Variants in APCDD1L observed in about 807,000 individuals in gnomAD.
APCDD1L encodes the protein protein APCDD1-like.
A neutral mutation model predicts 24.2 loss-of-function variants in APCDD1L; 21 were observed. That is an observed-to-expected ratio of 0.87 (90% CI 0.61 to 1.25). The LOEUF is 1.25. Among genes scored for constraint, APCDD1L ranks in the 50% most tolerant of loss-of-function variants. APCDD1L has a pLI of 0.00. For synonymous variants in APCDD1L, 321 were observed against 323.6 expected (o/e 0.99, Z 0.09); for missense variants, 704 against 711.7 (o/e 0.99, Z 0.12).
intron 1 of APCDD1L, among the ~76,000 whole-genome samples, chr20:58,495,262 C>T (rs1034075616): frequency 1.3e-5 from 2 of 152,146 alleles, no homozygotes; most frequent in African/African-American, 2.4e-5. Flanking sequence ...ATACACGGCC[C>T]CTTGTTCAAA....
intron 1 of APCDD1L, among the ~76,000 whole-genome samples, chr20:58,493,567 A>G (rs1389632840): frequency 6.6e-6 from 1 of 152,256 alleles, no homozygotes; most frequent in African/African-American, 2.4e-5. Flanking sequence ...CTCACACCTT[A>G]GAAACATAAT....
At position 58,467,165 on chromosome 20, in the gene APCDD1L, G is replaced by C. The variant is rs1385140552; in HGVS notation, c.682C>G (p.Pro228Ala). 1 of 1,607,700 alleles carries C rather than the reference G, an allele frequency of 6.2e-7. No homozygotes were observed. Residue 228 changes from proline (P) to alanine (A), a missense_variant, in exon 3 of 4, where the codon CCG (proline) becomes GCG (alanine). Physicochemically the swap from Pro to Ala is conservative, Grantham distance 27 (BLOSUM62 -1). Coordinates refer to ENST00000371149, the MANE Select transcript of APCDD1L (RefSeq NM_153360.3). This position sits in a 1 kb window ranked among gnomAD's most constrained non-coding sequence, Gnocchi z 5.9. ...GGCCGGTAGTGCCGCCTCTCCGCCGGGTCGGTGTGGATGTCCCCCAGGTAC... is the reference window on the plus strand; with the variant it reads ...GGCCGGTAGTGCCGCCTCTCCGCCGCGTCGGTGTGGATGTCCCCCAGGTAC... ...ELYLGDIHTD[P>A]AERRHYRPTG...
At chr20:58,476,915 A>T (rs1989921423) in intron 1 of APCDD1L, among the ~76,000 whole-genome samples, 6 of 149,662 alleles carry the variant, frequency 4.0e-5, no homozygotes, top group Admixed American at 3.3e-4. Context: ...CTCGGCATAA[A>T]TGGCATTTCC....
chr20:58,485,169 A>C (rs1990099112), intron 1 of APCDD1L, among the ~76,000 whole-genome samples: 1 of 123,210 alleles, frequency 8.1e-6, no homozygotes, highest in Non-Finnish European at 1.7e-5. Flanking sequence ...CACACACACA[A>C]TTATCAAAAC....
rs143815037 is a variant in APCDD1L, at chr20:58,464,928, C to T, written c.741+2178G>A. ...TTTAATGTAATGTCTGTACATCTGG[C>T]ACCGTTCATCACTGCATACATTTCT... On this transcript the variant is annotated intron_variant, in intron 3 of 3. Transcript: ENST00000371149. 2.0e-3 allele frequency among the ~76,000 whole-genome samples: 299 copies of T among 151,764 alleles called. 1 individual carries two copies. The highest frequency in any genetic ancestry group is 3.3e-3 in the Non-Finnish European group (223 of 67,968).
chr20:58,498,828 C>T (rs759826712), intron 1 of APCDD1L, among the ~76,000 whole-genome samples: 7 of 152,214 alleles, frequency 4.6e-5, no homozygotes, highest in East Asian at 3.9e-4. Flanking sequence ...GCCCTCATGG[C>T]GGGCATCATC....
In APCDD1L at chr20:58,460,665, C is replaced by G. The variant is rs537801700; in HGVS notation, c.*125G>C. 36 of 1,228,782 alleles carry G rather than the reference C, an allele frequency of 2.9e-5. No individual in the cohort carries two copies. The East Asian group carries it at 8.7e-4, about 30-fold the overall frequency. 76.1% of individuals were successfully genotyped at this position (1,228,782 alleles called of 1,614,324 possible). A position where few individuals can be genotyped will look rare whatever the true frequency, so the allele number is the denominator to read the frequency against. ...ATGGGACACAGGCAGAGTTTGGAAGCAGTGGGGCTGTGCATCCATCCATGA... is the reference window on the plus strand; with the variant it reads ...ATGGGACACAGGCAGAGTTTGGAAGGAGTGGGGCTGTGCATCCATCCATGA... On this transcript the variant is annotated 3_prime_UTR_variant, in exon 4 of 4. Transcript: ENST00000371149. This position sits in a 1 kb window ranked among gnomAD's most constrained non-coding sequence, Gnocchi z 4.2.
chr20:58,485,730 CA>C (rs1357668280), intron 1 of APCDD1L, among the ~76,000 whole-genome samples: 1 of 152,206 alleles, frequency 6.6e-6, no homozygotes, highest in Non-Finnish European at 1.5e-5. Flanking sequence ...TCTGCTTCTG[CA>C]ATACAGCTTA....
intron 1 of APCDD1L, among the ~76,000 whole-genome samples, chr20:58,475,095 T>C (rs536788095): frequency 7.9e-5 from 12 of 152,334 alleles, no homozygotes; most frequent in African/African-American, 2.9e-4. Flanking sequence ...CCACAATTTA[T>C]GTTTTCTTCA....
Position 58,467,410 on chromosome 20 carries a change from G to T in APCDD1L, c.437C>A (p.Thr146Asn). The change falls in exon 3 of 4, where the codon ACC (threonine) becomes AAC (asparagine). Residue 146 changes from threonine (T) to asparagine (N), a missense_variant. By Grantham distance (65) the Thr-to-Asn change is moderately conservative. Coordinates refer to ENST00000371149, the MANE Select transcript of APCDD1L (RefSeq NM_153360.3). The surrounding 1 kb of genome is among the most constrained non-coding windows in gnomAD (Gnocchi z 5.9). ...FHSRRALVDV[T>N]GRLNQTRAGR... Reference sequence around the variant, plus strand: ...GGCGCGGGTCTGGTTGAGGCGCCCGGTGACGTCGACCAGGGCCCGGCGGCT... The same window carrying T: ...GGCGCGGGTCTGGTTGAGGCGCCCGTTGACGTCGACCAGGGCCCGGCGGCT... 16 of 1,545,858 alleles carry T rather than the reference G, an allele frequency of 1.0e-5. No homozygotes were observed. The highest frequency in any genetic ancestry group is 1.4e-5 in the Non-Finnish European group (16 of 1,148,436).
At chr20:58,470,930 C>T (rs1989800775) in intron 1 of APCDD1L, among the ~76,000 whole-genome samples, 183 bp from the exon 2 acceptor site, 1 of 152,154 alleles carries the variant, frequency 6.6e-6, no homozygotes, top group South Asian at 2.1e-4. Context: ...TATTGAGGAT[C>T]CTAGAATCAG....
chr20:58,482,973 G>A (rs73616275), intron 1 of APCDD1L, among the ~76,000 whole-genome samples: 4,076 of 152,238 alleles, frequency 0.027, 337 homozygotes, highest in East Asian at 0.26. Flanking sequence ...AGGGCTCAGG[G>A]TCTGACATTC....
intron 1 of APCDD1L, among the ~76,000 whole-genome samples, chr20:58,501,764 C>T (rs1057327703): frequency 6.6e-6 from 1 of 152,222 alleles, no homozygotes; most frequent in Non-Finnish European, 1.5e-5. Flanking sequence ...TGCATTTCCA[C>T]TCAGCAACCA....
intron 2 of APCDD1L, among the ~76,000 whole-genome samples, chr20:58,469,977 A>C (rs1260327571): frequency 6.6e-6 from 1 of 152,218 alleles, no homozygotes; most frequent in Non-Finnish European, 1.5e-5. Context: ...GAGAGAATGC[A>C]AAGTCCATTG....
In APCDD1L at chr20:58,508,973, C is replaced by A. The variant is rs7267726; in HGVS notation, c.49+5686G>T. 5.6e-4 allele frequency among the ~76,000 whole-genome samples: 81 copies of A among 145,108 alleles called. 1 individual carries two copies. In the East Asian group the frequency reaches 0.013, roughly 24 times the overall value. ...GTGTGCATGTGTGTCTGTGTGCGCA[C>A]GTGTGTGTGCATGTGCATGCGTGTG... On this transcript the variant is annotated intron_variant, in intron 1 of 3. Transcript: ENST00000371149. The surrounding 1 kb of genome is among the most constrained non-coding windows in gnomAD (Gnocchi z 4.0).
chr20:58,511,951 T>C (rs1320974673), intron 1 of APCDD1L, among the ~76,000 whole-genome samples: 2 of 152,230 alleles, frequency 1.3e-5, no homozygotes, highest in African/African-American at 2.4e-5. Context: ...GTTTCTCATT[T>C]TCCCCCTCCA....
chr20:58,494,438 T>C lies in APCDD1L; in HGVS notation c.49+20221A>G, dbSNP rs1033240104. 6.6e-6 allele frequency among the ~76,000 whole-genome samples: 1 copy of C among 152,060 alleles called. No individual in the cohort carries two copies. The highest frequency in any genetic ancestry group is 2.4e-5 in the African/African-American group (1 of 41,366). ...GCCTCAAACTCCCCGGCTCAAGCCATCCTCTGGCCTCAGCCTCCTGAGTAG... is the reference window on the plus strand; with the variant it reads ...GCCTCAAACTCCCCGGCTCAAGCCACCCTCTGGCCTCAGCCTCCTGAGTAG... On this transcript the variant is annotated intron_variant, in intron 1 of 3. Transcript: ENST00000371149. The surrounding 1 kb of genome is among the most constrained non-coding windows in gnomAD (Gnocchi z 4.8).
chr20:58,488,383 C>CAT (rs1990164978), intron 1 of APCDD1L, among the ~76,000 whole-genome samples: 1 of 152,110 alleles, frequency 6.6e-6, no homozygotes, highest in Non-Finnish European at 1.5e-5. Context: ...CACACACATA[C>CAT]ATATATATAT....
chr20:58,508,943 T>C lies in APCDD1L; in HGVS notation c.49+5716A>G, dbSNP rs180808419. ...GTGTGCATGAGTGTGCGTGAGTGTG[T>C]GTGAGTGTGCATGTGTGTCTGTGTG... is the stretch of plus-strand genomic sequence containing the variant. On this transcript the variant is annotated intron_variant, in intron 1 of 3. Coordinates refer to ENST00000371149, the MANE Select transcript of APCDD1L (RefSeq NM_153360.3). This position sits in a 1 kb window ranked among gnomAD's most constrained non-coding sequence, Gnocchi z 4.0. Among the ~76,000 whole-genome samples, 1,321 of 152,052 alleles carry C rather than the reference T, an allele frequency of 8.7e-3. 16 individuals are homozygous for C. The highest frequency in any genetic ancestry group is 0.024 in the Middle Eastern group (7 of 294).
Sources: allele counts gnomAD v4.1 joint callset (sites outside exome capture counted in the v4.1 genomes callset), GRCh38; gene constraint gnomAD v4.1.1; non-coding constraint Gnocchi (gnomAD v3.1); transcripts MANE v1.5; gene names NCBI Gene and HGNC (gene_info 2026-07-23, HGNC 2026-07-21).